Variants in WDR7 observed in about 807,000 individuals in gnomAD.
WDR7 encodes the protein WD repeat domain 7.
Under a neutral mutation model 169.4 loss-of-function variants are expected in WDR7, and 46 were observed. That is an observed-to-expected ratio of 0.27 (90% CI 0.21 to 0.35). WDR7 has a LOEUF of 0.35. WDR7 is among the 10% of genes least tolerant of loss of function. The probability of loss-of-function intolerance (pLI) is 1.00; values close to 1 mark genes in which losing one functional copy is unlikely to be tolerated. For missense variants in WDR7, 1,534 were observed against 1,859.3 expected (o/e 0.83, Z 3.22); for synonymous variants, 612 against 666.8 (o/e 0.92, Z 1.27).
At chr18:56,851,431 C>T (rs1307402750) in intron 20 of WDR7, among the ~76,000 whole-genome samples, 2 of 152,194 alleles carry the variant, frequency 1.3e-5, no homozygotes, top group Non-Finnish European at 2.9e-5. Context: ...AGAGCACGCT[C>T]TCGGCTAGAC....
chr18:56,759,419 T>C (rs1168736080), intron 16 of WDR7, among the ~76,000 whole-genome samples: 1 of 152,188 alleles, frequency 6.6e-6, no homozygotes, highest in Non-Finnish European at 1.5e-5. Context: ...AGTCATTATA[T>C]ACCTTAACTT....
intron 22 of WDR7, 52 bp downstream of exon 22, chr18:56,924,160 G>A (rs772969042): frequency 1.3e-6 from 2 of 1,592,602 alleles, no homozygotes; most frequent in South Asian, 1.2e-5. Flanking sequence ...TGTTTTAGGG[G>A]TTTTTTTGGT....
Position 56,695,076 on chromosome 18 carries a change from G to A in WDR7, c.1235G>A (p.Ser412Asn). Reference protein sequence around the residue: ...NSNEPLKVTASVYIPAHGRLV... With the variant: ...NSNEPLKVTANVYIPAHGRLV... ...AATGAACCTCTTAAAGTAACTGCAA[G>A]TGTGTACATACCAGCACATGGACGA... Residue 412 changes from serine (S) to asparagine (N), a missense_variant, in exon 11 of 28, where the codon AGT becomes AAT. Physicochemically the swap from Ser to Asn is conservative, Grantham distance 46. Transcript: ENST00000254442. 1.9e-6 allele frequency: 3 copies of A among 1,614,132 alleles called. 1 individual carries two copies. Among genetic ancestry groups the A allele is most frequent in the East Asian group, 4.5e-5 (2 of 44,878 alleles).
At chr18:56,914,092 T>C (rs2046590168) in intron 21 of WDR7, among the ~76,000 whole-genome samples, 1 of 152,180 alleles carries the variant, frequency 6.6e-6, no homozygotes, top group African/African-American at 2.4e-5. Flanking sequence ...CTCTGTGACT[T>C]CATGTCCTAC....
rs201743204 is a variant in WDR7, at chr18:56,812,106, A to AT, written c.3191-3923dup. Among the ~76,000 whole-genome samples the AT allele has an allele frequency of 5.4e-4, 82 of 152,108 alleles. 1 individual carries two copies. The East Asian group carries it at 0.014, about 27-fold the overall frequency. On this transcript the variant is annotated intron_variant, in intron 19 of 27. Transcript: ENST00000254442. ...CTTCCGATTCCATGAACACAGTGTA[A>AT]TTCTGTTTCATTTGTTTAGATCTCC...
chr18:56,900,012 C>T (rs2046379095), intron 21 of WDR7, among the ~76,000 whole-genome samples: 1 of 150,160 alleles, frequency 6.7e-6, no homozygotes, highest in Non-Finnish European at 1.5e-5. Context: ...AATAAGAGTA[C>T]ATCATGATTA....
At chr18:56,897,367 C>T (rs2046344475) in intron 21 of WDR7, among the ~76,000 whole-genome samples, 1 of 149,714 alleles carries the variant, frequency 6.7e-6, no homozygotes, top group Non-Finnish European at 1.5e-5. Flanking sequence ...GGAATCAGCG[C>T]ATGTGCATTA....
At position 56,967,162 on chromosome 18, in the gene WDR7, T is replaced by TTGTA; in HGVS notation, c.4164+4633_4164+4634insTGTA. On this transcript the variant is annotated intron_variant, in intron 26 of 27. Coordinates refer to ENST00000254442, the MANE Select transcript of WDR7 (RefSeq NM_015285.3). ...TTTTGTAGGTGCTAAGGCCAGGAGT[T>TTGTA]CAGCCTGCTCAATAGGGAGCGCTTG... Among the ~76,000 whole-genome samples the TTGTA allele has an allele frequency of 1.2e-3, 187 of 152,014 alleles. 2 individuals are homozygous for TTGTA. Among genetic ancestry groups the TTGTA allele is most frequent in the African/African-American group, 4.2e-3 (172 of 41,276 alleles).
chr18:56,941,447 G>C (rs971774587), intron 25 of WDR7, among the ~76,000 whole-genome samples: 2 of 152,152 alleles, frequency 1.3e-5, no homozygotes, highest in African/African-American at 4.8e-5. Context: ...GGCTTTGCAG[G>C]ATAATTAGGG....
At chr18:56,908,908 G>T (rs149934178) in intron 21 of WDR7, among the ~76,000 whole-genome samples, 297 of 152,178 alleles carry the variant, frequency 2.0e-3, no homozygotes, top group African/African-American at 6.8e-3. Flanking sequence ...GTTTTCCTTT[G>T]TAAAAAATAG....
intron 19 of WDR7, among the ~76,000 whole-genome samples, chr18:56,807,308 G>A (rs976939408): frequency 5.9e-5 from 9 of 152,114 alleles, no homozygotes; most frequent in Non-Finnish European, 4.4e-5. Flanking sequence ...TAGTACAGTT[G>A]TGTATCAAAA....
chr18:56,745,499 A>G (rs1220604084), intron 14 of WDR7, among the ~76,000 whole-genome samples: 2 of 152,148 alleles, frequency 1.3e-5, no homozygotes, highest in African/African-American at 2.4e-5. Flanking sequence ...CTCATAAGGA[A>G]CGCACACTGT....
intron 21 of WDR7, among the ~76,000 whole-genome samples, chr18:56,883,566 A>G (rs1485938693): frequency 2.0e-5 from 3 of 151,292 alleles, no homozygotes; most frequent in African/African-American, 7.3e-5. Context: ...GGTTACATGA[A>G]TAAGTCCTTT....
Position 56,780,102 on chromosome 18 carries a change from G to A in WDR7, c.3066+553G>A, listed in dbSNP as rs527566999. Reference sequence around the variant, plus strand: ...ATAATATATTCCTCATGGGATTGCCGTCAGGATCAAATCAGATGATGCAAG... The same window carrying A: ...ATAATATATTCCTCATGGGATTGCCATCAGGATCAAATCAGATGATGCAAG... On this transcript the variant is annotated intron_variant, in intron 18 of 27. Transcript: ENST00000254442. Among the ~76,000 whole-genome samples, 10 of 152,188 alleles carry A rather than the reference G, an allele frequency of 6.6e-5. No individual in the cohort carries two copies. The South Asian group carries it at 1.0e-3, about 16-fold the overall frequency.
intron 23 of WDR7, among the ~76,000 whole-genome samples, chr18:56,937,491 T>C (rs2046976287): frequency 6.6e-6 from 1 of 152,242 alleles, no homozygotes; most frequent in Non-Finnish European, 1.5e-5. Context: ...TTATTATCTC[T>C]GACCTCTACC....
At chr18:56,959,818 C>T (rs575762934) in intron 25 of WDR7, among the ~76,000 whole-genome samples, 1 of 152,152 alleles carries the variant, frequency 6.6e-6, no homozygotes, top group African/African-American at 2.4e-5. Flanking sequence ...TTCGTCTTGA[C>T]AGACCTTACA....
intron 7 of WDR7, 43 bp from the exon 8 acceptor site, chr18:56,691,172 TA>T (rs1433228780): frequency 1.9e-6 from 3 of 1,565,576 alleles, no homozygotes; most frequent in Non-Finnish European, 2.6e-6. Flanking sequence ...TCTTACTTTT[TA>T]CAACAATATG....
intron 26 of WDR7, among the ~76,000 whole-genome samples, chr18:56,974,281 GC>G (rs1166911495): frequency 7.3e-5 from 11 of 151,584 alleles, no homozygotes; most frequent in African/African-American, 1.5e-4. Context: ...AGCACAACTA[GC>G]ATTAGCACAT....
chr18:56,707,658 G>GTT (rs931170987), intron 12 of WDR7, among the ~76,000 whole-genome samples: 1 of 152,010 alleles, frequency 6.6e-6, no homozygotes, highest in African/African-American at 2.4e-5. Flanking sequence ...CATGCAAAGC[G>GTT]TTTGTCAACA....
Sources: allele counts gnomAD v4.1 joint callset (sites outside exome capture counted in the v4.1 genomes callset), GRCh38; gene constraint gnomAD v4.1.1; transcripts MANE v1.5; gene names NCBI Gene and HGNC (gene_info 2026-07-23, HGNC 2026-07-21).